The following E2F3 variants were observed in gnomAD, a reference collection of about 807,000 sequenced individuals.
E2F3 encodes the protein transcription factor E2F3.
A neutral mutation model predicts 44.4 loss-of-function variants in E2F3; 11 were observed. That is an observed-to-expected ratio of 0.25 (90% CI 0.16 to 0.41). The LOEUF (loss-of-function observed/expected upper bound fraction) is 0.41. E2F3 is among the 10% of genes least tolerant of loss of function. The pLI, the probability that E2F3 is intolerant of heterozygous loss-of-function variation, is 1.00. For missense variants in E2F3, 487 were observed against 583.6 expected, an observed-to-expected ratio of 0.83 and a Z score of 1.70; for synonymous variants, 249 against 253.0, an observed-to-expected ratio of 0.98 and a Z score of 0.15.
intron 1 of E2F3, among the ~76,000 whole-genome samples, chr6:20,460,266 T>C (rs1200284314): frequency 6.6e-6 from 1 of 152,232 alleles, no homozygotes; most frequent in Non-Finnish European, 1.5e-5. Context: ...TTACACAGAT[T>C]ATGTATTCCC....
intron 1 of E2F3, chr6:20,445,000 A>G (rs1251284516): frequency 8.2e-6 from 7 of 848,660 alleles, no homozygotes; most frequent in Non-Finnish European, 1.4e-6. Flanking sequence ...TGCTCAATAC[A>G]TGTCTTTTGA....
rs1762522892 is a variant in E2F3, at chr6:20,490,400, C to A, written c.1368C>A (p.Leu456=). The A allele has an allele frequency of 6.3e-7, 1 of 1,598,838 alleles. No individual in the cohort carries two copies. Among genetic ancestry groups the A allele is most frequent in the Non-Finnish European group, 8.5e-7 (1 of 1,171,884 alleles). Residue 456 remains leucine, a synonymous_variant, in exon 7 of 7, where the codon CTC becomes CTA. Coordinates refer to ENST00000346618, the MANE Select transcript of E2F3 (RefSeq NM_001949.5). The surrounding 1 kb of genome is among the most constrained non-coding windows in gnomAD (Gnocchi z 4.3). ...TCGATGCTTACGATTTGGAAAAGCT[C>A]CCACTGGTGGAAGACTTCATGTGTA... ...DLFDAYDLEK[L]PLVEDFMCS is the part of the protein sequence containing the mutation.
At chr6:20,440,755 C>G (rs531729044) in intron 1 of E2F3, among the ~76,000 whole-genome samples, 51 of 152,262 alleles carry the variant, frequency 3.3e-4, no homozygotes, top group Admixed American at 2.0e-3. Context: ...AATATCAGGA[C>G]CAAGGATCAT....
intron 1 of E2F3, among the ~76,000 whole-genome samples, chr6:20,415,449 G>C (rs1399164415): frequency 6.6e-6 from 1 of 152,140 alleles, no homozygotes; most frequent in Non-Finnish European, 1.5e-5. Flanking sequence ...CCTGTGCATT[G>C]TAGCAAGTTT....
intron 1 of E2F3, chr6:20,445,036 G>A (rs893674761): frequency 8.1e-6 from 8 of 982,814 alleles, no homozygotes; most frequent in African/African-American, 1.7e-5. Flanking sequence ...CCTGGCCATG[G>A]TTTAAGCATT....
intron 1 of E2F3, among the ~76,000 whole-genome samples, chr6:20,415,115 T>G (rs1340753667): frequency 1.3e-5 from 2 of 152,326 alleles, no homozygotes; most frequent in East Asian, 3.9e-4. Context: ...GGACAGGCTC[T>G]TACTGAACAC....
At chr6:20,406,816 A>G (rs894012757) in intron 1 of E2F3, among the ~76,000 whole-genome samples, 2 of 152,322 alleles carry the variant, frequency 1.3e-5, no homozygotes, top group East Asian at 1.9e-4. Context: ...AGAGACATGC[A>G]TTAGACAAAT....
At chr6:20,431,860 A>G (rs1362270445) in intron 1 of E2F3, among the ~76,000 whole-genome samples, 1 of 152,202 alleles carries the variant, frequency 6.6e-6, no homozygotes, top group Non-Finnish European at 1.5e-5. Flanking sequence ...AACAGCAGAA[A>G]TCTATTCTCT....
At chr6:20,414,043 G>A (rs1581572034) in intron 1 of E2F3, among the ~76,000 whole-genome samples, 1 of 152,268 alleles carries the variant, frequency 6.6e-6, no homozygotes, top group East Asian at 1.9e-4. Flanking sequence ...GGGCCATCCC[G>A]TTTTCTGAGG....
chr6:20,460,660 GAT>G (rs1467629221), intron 1 of E2F3, among the ~76,000 whole-genome samples: 4 of 152,008 alleles, frequency 2.6e-5, no homozygotes, highest in African/African-American at 9.7e-5. Flanking sequence ...ATTTCTCTAA[GAT>G]AAATTGATTC....
rs768891267 is a variant in E2F3, at chr6:20,482,889, A to C, written c.853A>C (p.Lys285Gln). 1.2e-6 allele frequency: 2 copies of C among 1,613,920 alleles called. No homozygotes were observed. Among genetic ancestry groups the C allele is most frequent in the East Asian group, 2.2e-5 (1 of 44,870 alleles). The change falls in exon 4 of 7, where the codon AAA becomes CAA. Residue 285 changes from lysine to glutamine, a missense_variant. By Grantham distance (53) the Lys-to-Gln change is moderately conservative. Transcript: ENST00000346618. ...GATCCAAAGCTGCACCCTGGACCTC[A>C]AACTGTTAACCGAGGATTCAGAGAA... ...ELIQSCTLDL[K>Q]LLTEDSENQR... is the part of the protein sequence containing the mutation.
intron 1 of E2F3, among the ~76,000 whole-genome samples, chr6:20,478,478 T>C (rs1004115020): frequency 5.3e-5 from 8 of 152,166 alleles, no homozygotes; most frequent in African/African-American, 1.9e-4. Context: ...TGATAAGTTA[T>C]TACTTACGTT....
intron 1 of E2F3, among the ~76,000 whole-genome samples, chr6:20,444,543 T>C (rs921710806): frequency 3.3e-5 from 5 of 152,334 alleles, no homozygotes; most frequent in African/African-American, 1.2e-4. Context: ...TAGTCTTTTT[T>C]AGAAAGTCTA....
intron 1 of E2F3, chr6:20,403,894 G>A (rs1759400487): frequency 3.6e-6 from 4 of 1,097,274 alleles, no homozygotes; most frequent in Non-Finnish European, 5.1e-6. Context: ...TCTGTTGGGG[G>A]CTGAAGCGGT....
At chr6:20,487,319 T>C (rs1345265034) in intron 5 of E2F3, among the ~76,000 whole-genome samples, 1 of 152,102 alleles carries the variant, frequency 6.6e-6, no homozygotes, top group African/African-American at 2.4e-5. Flanking sequence ...AACTATAACA[T>C]AAAGAGTTGT....
At chr6:20,487,346 A>C (rs4134966) in intron 5 of E2F3, among the ~76,000 whole-genome samples, 93,678 of 152,016 alleles carry the variant, frequency 0.62, 28,944 homozygotes, top group Middle Eastern at 0.8. Flanking sequence ...AAGAAAATGC[A>C]TAGGAGATAA....
intron 1 of E2F3, among the ~76,000 whole-genome samples, chr6:20,409,935 GT>G (rs1759616806): frequency 1.3e-5 from 2 of 152,202 alleles, no homozygotes; most frequent in East Asian, 3.9e-4. Context: ...GATGAGAGTA[GT>G]AATCAGTGAA....
rs1762608735 is a variant in E2F3 at position 20,493,533 on chromosome 6, A to G, written c.*3103A>G. The G allele has an allele frequency of 4.6e-6, 1 of 218,830 alleles. No homozygotes were observed. The allele number at this position is 218,830 out of a possible 1,614,324, so 13.6% of individuals were successfully genotyped here. On this transcript the variant is annotated 3_prime_UTR_variant, in exon 7 of 7. Coordinates refer to ENST00000346618, the MANE Select transcript of E2F3 (RefSeq NM_001949.5). ...TTAGCTTTGTGTTGTATGCTAGTTT[A>G]AAAAAGAAAATATGTAATATAATGT... is the stretch of plus-strand genomic sequence containing the variant.
intron 1 of E2F3, among the ~76,000 whole-genome samples, chr6:20,430,229 TG>T (rs1442636559): frequency 6.6e-6 from 1 of 152,182 alleles, no homozygotes; most frequent in Non-Finnish European, 1.5e-5. Context: ...CATGCAATAT[TG>T]GGGATATAGA....
Sources: gnomAD v4.1 joint callset for allele counts (sites outside exome capture counted in the v4.1 genomes callset) on GRCh38, gnomAD v4.1.1 for gene constraint, Gnocchi (gnomAD v3.1) non-coding constraint, MANE v1.5 for transcripts, NCBI Gene and HGNC (gene_info 2026-07-23, HGNC 2026-07-21) for gene names.